The following SLC22A25 variants were observed in gnomAD, a reference collection of about 807,000 sequenced individuals.
The protein encoded by SLC22A25 is MGI:2442751, MGI:2385316, MGI:3042283, MGI:3645714, MGI:3605624, MGI:2442750.
SLC22A25 carries 44 observed loss-of-function variants against 45.9 expected under a neutral mutation model. That is an observed-to-expected ratio of 0.96 (90% CI 0.75 to 1.23). The LOEUF is 1.23. Among genes scored for constraint, SLC22A25 ranks in the 50% most tolerant of loss-of-function variants. The pLI, the probability that SLC22A25 is intolerant of heterozygous loss-of-function variation, is 0.00. For missense variants in SLC22A25, 800 were observed against 666.4 expected (o/e 1.20, Z -2.21); for synonymous variants, 283 against 238.6 (o/e 1.19, Z -1.72).
At chr11:63,182,382 T>C (rs1321362841) in intron 8 of SLC22A25, among the ~76,000 whole-genome samples, 1 of 152,070 alleles carries the variant, frequency 6.6e-6, no homozygotes, top group African/African-American at 2.4e-5. Flanking sequence ...TTTTATTTTC[T>C]TATTGGGCCA....
chr11:63,229,768 C>T lies in SLC22A25; in HGVS notation c.-116G>A. On this transcript the variant is annotated 5_prime_UTR_variant, in exon 4 of 12. Coordinates refer to ENST00000306494, the MANE Select transcript of SLC22A25 (RefSeq NM_199352.6). ...TAAGTGTGTGTGTTGATCCTGACCC[C>T]ACTCTCTTCTTAATGGGCCCTCTCT... is the stretch of plus-strand genomic sequence containing the variant. 1.8e-6 allele frequency: 2 copies of T among 1,090,306 alleles called. No homozygotes were observed. The highest frequency in any genetic ancestry group is 2.8e-5 in the Admixed American group (1 of 35,646). 67.5% of individuals were successfully genotyped at this position (1,090,306 alleles called of 1,614,324 possible). A position where few individuals can be genotyped will look rare whatever the true frequency, so the allele number is the denominator to read the frequency against.
rs61113843 is a variant in SLC22A25, at chr11:63,205,493, A to T, written c.830+11821T>A. On this transcript the variant is annotated intron_variant, in intron 7 of 11. Coordinates refer to ENST00000306494, the MANE Select transcript of SLC22A25 (RefSeq NM_199352.6). ...GGATATCACTGCTGATCCCATAGAA[A>T]TACAAACTGCCATCACAGAATATTA... Among the ~76,000 whole-genome samples, 1,250 of 152,334 alleles carry T rather than the reference A, an allele frequency of 8.2e-3. 26 individuals are homozygous for T. The highest frequency in any genetic ancestry group is 0.029 in the African/African-American group (1,190 of 41,574).
intron 4 of SLC22A25, 64 bp downstream of exon 4, chr11:63,229,187 C>A: frequency 7.0e-7 from 1 of 1,436,972 alleles, no homozygotes; most frequent in Non-Finnish European, 9.2e-7. Flanking sequence ...GAAGCACAAT[C>A]ATTTCTTGTG....
chr11:63,231,599 C>T (rs1000064689), intron 3 of SLC22A25, among the ~76,000 whole-genome samples: 4 of 152,108 alleles, frequency 2.6e-5, no homozygotes, highest in Non-Finnish European at 5.9e-5. Flanking sequence ...CTGTAGGTTG[C>T]CTGTTCACTC....
At position 63,162,887 on chromosome 11, in the gene SLC22A25, A is replaced by G. The variant is rs959779208; in HGVS notation, c.*937T>C. Among the ~76,000 whole-genome samples, 4 of 152,178 alleles carry G rather than the reference A, an allele frequency of 2.6e-5. No individual in the cohort carries two copies. The highest frequency in any genetic ancestry group is 4.4e-5 in the Non-Finnish European group (3 of 68,040). On this transcript the variant is annotated 3_prime_UTR_variant, in exon 12 of 12. Coordinates refer to ENST00000306494, the MANE Select transcript of SLC22A25 (RefSeq NM_199352.6). ...CCTTTATCTTGCTGTTTAATCAGCA[A>G]TCAGCACCTGGAATTCCTTAAAATT... is the stretch of plus-strand genomic sequence containing the variant.
At chr11:63,240,263 G>T (rs2090226708) in intron 1 of SLC22A25, among the ~76,000 whole-genome samples, 1 of 152,152 alleles carries the variant, frequency 6.6e-6, no homozygotes, top group African/African-American at 2.4e-5. Flanking sequence ...ACTGGAAGTT[G>T]CTCTGGGTGA....
chr11:63,177,819 A>C, intron 9 of SLC22A25, among the ~76,000 whole-genome samples: 1 of 141,806 alleles, frequency 7.1e-6, no homozygotes, highest in East Asian at 2.0e-4. Context: ...ATACATATAT[A>C]TAATGTATAT....
chr11:63,205,580 T>C (rs1024410395), intron 7 of SLC22A25, among the ~76,000 whole-genome samples: 1 of 152,220 alleles, frequency 6.6e-6, no homozygotes, highest in Non-Finnish European at 1.5e-5. Context: ...CCTGGACATA[T>C]ACATTCTCCC....
At chr11:63,201,888 C>A (rs1356252407) in intron 7 of SLC22A25, among the ~76,000 whole-genome samples, 1 of 152,132 alleles carries the variant, frequency 6.6e-6, no homozygotes, top group Non-Finnish European at 1.5e-5. Context: ...TGGTCTGCAG[C>A]CCCCAGCGAG....
intron 5 of SLC22A25, among the ~76,000 whole-genome samples, chr11:63,227,289 G>A (rs979091591): frequency 2.0e-5 from 3 of 152,134 alleles, no homozygotes; most frequent in African/African-American, 7.2e-5. Flanking sequence ...TCTCTCCCAA[G>A]GTCAATGACA....
chr11:63,231,662 T>A (rs1348218417), intron 3 of SLC22A25, among the ~76,000 whole-genome samples: 2 of 152,232 alleles, frequency 1.3e-5, no homozygotes, highest in Non-Finnish European at 2.9e-5. Flanking sequence ...TTGGACCCCA[T>A]TTGTCAATTT....
At chr11:63,230,646 ATTTAT>A in intron 3 of SLC22A25, among the ~76,000 whole-genome samples, 1 of 151,894 alleles carries the variant, frequency 6.6e-6, no homozygotes, top group East Asian at 1.9e-4. Flanking sequence ...TTTAAAAAAA[ATTTAT>A]TTATTTATTT....
At position 63,160,653 on chromosome 11, in the gene SLC22A25, G is replaced by A. The variant is rs948568977; in HGVS notation, c.*3171C>T. Among the ~76,000 whole-genome samples, 3 of 152,112 alleles carry A rather than the reference G, an allele frequency of 2.0e-5. No individual in the cohort carries two copies. The highest frequency in any genetic ancestry group is 4.4e-5 in the Non-Finnish European group (3 of 68,008). On this transcript the variant is annotated 3_prime_UTR_variant, in exon 12 of 12. Transcript: ENST00000306494. ...GAGGGTCTTCGACCTCCAGACCCCAGAATTGTAAAGGCATTGACAGCTTGC... is the reference window on the plus strand; with the variant it reads ...GAGGGTCTTCGACCTCCAGACCCCAAAATTGTAAAGGCATTGACAGCTTGC...
chr11:63,228,311 C>T (rs1490705791), intron 5 of SLC22A25, 150 bp downstream of exon 5: 1 of 600,514 alleles, frequency 1.7e-6, no homozygotes. Flanking sequence ...ACTCACCACA[C>T]TCACCATAAT....
intron 7 of SLC22A25, among the ~76,000 whole-genome samples, chr11:63,187,971 A>C (rs2088629819): frequency 1.3e-5 from 2 of 152,286 alleles, no homozygotes; most frequent in South Asian, 4.1e-4. Flanking sequence ...GGATTTTTGC[A>C]TCAAGGTTCA....
intron 7 of SLC22A25, among the ~76,000 whole-genome samples, chr11:63,194,646 C>T (rs1033243678): frequency 2.0e-5 from 3 of 151,964 alleles, no homozygotes; most frequent in Non-Finnish European, 2.9e-5. Context: ...TAGGAAGAAA[C>T]TGCATCAACT....
At position 63,162,632 on chromosome 11, in the gene SLC22A25, T is replaced by C. The variant is rs532154071; in HGVS notation, c.*1192A>G. 6.6e-6 allele frequency among the ~76,000 whole-genome samples: 1 copy of C among 152,300 alleles called. No homozygotes were observed. The highest frequency in any genetic ancestry group is 2.4e-5 in the African/African-American group (1 of 41,592). ...GGAAGAATCATTGTTTTAAATATTATTCCATCTTCATATCCAGAAACATGT... is the reference window on the plus strand; with the variant it reads ...GGAAGAATCATTGTTTTAAATATTACTCCATCTTCATATCCAGAAACATGT... On this transcript the variant is annotated 3_prime_UTR_variant, in exon 12 of 12. Coordinates refer to ENST00000306494, the MANE Select transcript of SLC22A25 (RefSeq NM_199352.6).
chr11:63,196,720 A>T (rs577549057), intron 7 of SLC22A25, among the ~76,000 whole-genome samples: 2 of 152,330 alleles, frequency 1.3e-5, no homozygotes, highest in African/African-American at 2.4e-5. Flanking sequence ...TTCTCTCACC[A>T]GTCCTATTCA....
intron 3 of SLC22A25, among the ~76,000 whole-genome samples, chr11:63,234,985 T>C (rs1365272317): frequency 6.6e-6 from 1 of 152,232 alleles, no homozygotes; most frequent in South Asian, 2.1e-4. Flanking sequence ...TTCTGGCTTG[T>C]AGAGTTTCTG....
Sources: allele counts gnomAD v4.1 joint callset (sites outside exome capture counted in the v4.1 genomes callset), GRCh38; gene constraint gnomAD v4.1.1; transcripts MANE v1.5; gene names NCBI Gene and HGNC (gene_info 2026-07-23, HGNC 2026-07-21).